The following BMP6 variants were observed in gnomAD, a reference collection of about 807,000 sequenced individuals.
BMP6 encodes the protein VG-1-R.
Under a neutral mutation model 54.1 loss-of-function variants are expected in BMP6, and 17 were observed. The observed-to-expected ratio is 0.31, with a 90% CI of 0.22 to 0.47. The LOEUF (loss-of-function observed/expected upper bound fraction) is 0.47, where lower values mean the gene tolerates loss of function less well. Among genes scored for constraint, BMP6 ranks in the 20% least tolerant of loss-of-function variants. The pLI, the probability that BMP6 is intolerant of heterozygous loss-of-function variation, is 1.00. For synonymous variants in BMP6, 328 were observed against 291.2 expected (o/e 1.13, Z -1.28); for missense variants, 720 against 690.4 (o/e 1.04, Z -0.48).
chr6:7,822,896 GTTGTGTGT>G (rs1435489723), intron 1 of BMP6, among the ~76,000 whole-genome samples: 15 of 85,670 alleles, frequency 1.8e-4, no homozygotes, highest in African/African-American at 8.8e-4. Flanking sequence ...ATTGGTGCTG[GTTGTGTGT>G]GTGTGTGTGT....
chr6:7,846,919 A>T (rs986377755), intron 2 of BMP6, among the ~76,000 whole-genome samples: 5 of 152,194 alleles, frequency 3.3e-5, no homozygotes, highest in Non-Finnish European at 7.3e-5. Flanking sequence ...TTTGGCTCAG[A>T]AATATATTGG....
At position 7,870,780 on chromosome 6, in the gene BMP6, A is replaced by G. The variant is rs542415484; in HGVS notation, c.1204+8282A>G. ...GTAGCTGGGACTACAGGCATGTGCCATCATGCCCCTCTAATTTTTTGTATT... is the reference window on the plus strand; with the variant it reads ...GTAGCTGGGACTACAGGCATGTGCCGTCATGCCCCTCTAATTTTTTGTATT... On this transcript the variant is annotated intron_variant, in intron 4 of 6. Transcript: ENST00000283147. 1.2e-4 allele frequency among the ~76,000 whole-genome samples: 19 copies of G among 152,346 alleles called. No homozygotes were observed. The South Asian group carries it at 3.9e-3, about 32-fold the overall frequency.
intron 1 of BMP6, among the ~76,000 whole-genome samples, chr6:7,750,648 C>T (rs907205568): frequency 6.6e-6 from 1 of 152,138 alleles, no homozygotes; most frequent in African/African-American, 2.4e-5. Flanking sequence ...GGTTCTGGAA[C>T]TTGAAATTTT....
chr6:7,876,172 A>G (rs1759612670), intron 4 of BMP6, among the ~76,000 whole-genome samples: 1 of 152,160 alleles, frequency 6.6e-6, no homozygotes, highest in Non-Finnish European at 1.5e-5. Flanking sequence ...ATGGCATTCT[A>G]GGTTTGATGG....
chr6:7,731,386 C>G (rs982450546), intron 1 of BMP6, among the ~76,000 whole-genome samples: 10 of 152,234 alleles, frequency 6.6e-5, no homozygotes, highest in African/African-American at 2.2e-4. Flanking sequence ...GGTCATGCCT[C>G]CATCCCACCC....
At chr6:7,867,121 C>T (rs948267343) in intron 4 of BMP6, among the ~76,000 whole-genome samples, 2 of 152,152 alleles carry the variant, frequency 1.3e-5, no homozygotes, top group African/African-American at 4.8e-5. Context: ...ATCCACTTGC[C>T]TCGGCCTCCC....
intron 1 of BMP6, among the ~76,000 whole-genome samples, chr6:7,825,214 A>G (rs949755452): frequency 5.4e-5 from 7 of 129,670 alleles, no homozygotes; most frequent in African/African-American, 2.1e-4. Context: ...CAGGAGTTCA[A>G]GCTTACGTGA....
chr6:7,804,773 TAC>T (rs1366706268), intron 1 of BMP6, among the ~76,000 whole-genome samples: 1 of 152,242 alleles, frequency 6.6e-6, no homozygotes, highest in Admixed American at 6.5e-5. Flanking sequence ...AGATTATTTC[TAC>T]AGTGTCATGT....
At chr6:7,865,673 T>C (rs140289941) in intron 4 of BMP6, among the ~76,000 whole-genome samples, 172 of 152,254 alleles carry the variant, frequency 1.1e-3, no homozygotes, top group South Asian at 2.9e-3. Flanking sequence ...ATGAACCAGG[T>C]AGACATTACA....
intron 1 of BMP6, among the ~76,000 whole-genome samples, chr6:7,789,294 G>A (rs997294664): frequency 2.6e-5 from 4 of 152,150 alleles, no homozygotes; most frequent in African/African-American, 9.7e-5. Context: ...AGTTCATATG[G>A]AAACTGAGGT....
intron 1 of BMP6, among the ~76,000 whole-genome samples, chr6:7,803,572 A>C (rs1268577878): frequency 3.3e-5 from 5 of 152,100 alleles, no homozygotes; most frequent in Admixed American, 3.3e-4. Flanking sequence ...TGTCCATGCC[A>C]CTGTCTCCAC....
At chr6:7,815,142 G>A (rs192031522) in intron 1 of BMP6, among the ~76,000 whole-genome samples, 1 of 152,130 alleles carries the variant, frequency 6.6e-6, no homozygotes, top group African/African-American at 2.4e-5. Context: ...GAATTCCTGG[G>A]ACTTAAAGGG....
At chr6:7,744,088 A>G (rs1264500002) in intron 1 of BMP6, among the ~76,000 whole-genome samples, 2 of 152,218 alleles carry the variant, frequency 1.3e-5, no homozygotes, top group Non-Finnish European at 2.9e-5. Flanking sequence ...AGATTCTATG[A>G]TTAACATTTA....
At chr6:7,741,055 T>C (rs1359438450) in intron 1 of BMP6, among the ~76,000 whole-genome samples, 1 of 152,160 alleles carries the variant, frequency 6.6e-6, no homozygotes, top group African/African-American at 2.4e-5. Context: ...TCTTTCCATA[T>C]GCTGTTATCC....
intron 1 of BMP6, among the ~76,000 whole-genome samples, chr6:7,729,401 G>A (rs1026493143): frequency 3.4e-5 from 5 of 147,556 alleles, no homozygotes; most frequent in Admixed American, 6.9e-5. Flanking sequence ...GTCCTAACCT[G>A]GACAAAGGGG....
chr6:7,752,420 G>A (rs916136767), intron 1 of BMP6, among the ~76,000 whole-genome samples: 5 of 152,190 alleles, frequency 3.3e-5, no homozygotes, highest in Admixed American at 3.3e-4. Context: ...TAGGCTTGAT[G>A]AGTGAACTAA....
Position 7,856,595 on chromosome 6 carries a change from A to AT in BMP6, c.858-4837dup, listed in dbSNP as rs70982115. Among the ~76,000 whole-genome samples, 201 of 83,046 alleles carry AT rather than the reference A, an allele frequency of 2.4e-3. 21 individuals carry two copies. Among genetic ancestry groups the AT allele is most frequent in the South Asian group, 6.3e-3 (14 of 2,216 alleles). 54.5% of individuals were successfully genotyped at this position (83,046 alleles called of 152,430 possible). A position where few individuals can be genotyped will look rare whatever the true frequency, so the allele number is the denominator to read the frequency against. ...ATATAAATGCCAGTTTATCAAGAGCATTTTTTTTTTTTTTTTTTTGAGACG... is the reference window on the plus strand; with the variant it reads ...ATATAAATGCCAGTTTATCAAGAGCATTTTTTTTTTTTTTTTTTTTGAGACG... On this transcript the variant is annotated intron_variant, in intron 2 of 6. Transcript: ENST00000283147.
At chr6:7,871,183 A>G (rs2113288558) in intron 4 of BMP6, among the ~76,000 whole-genome samples, 1 of 152,352 alleles carries the variant, frequency 6.6e-6, no homozygotes, top group South Asian at 2.1e-4. Flanking sequence ...CTGGTGCTAG[A>G]AAAGAAAAAT....
intron 1 of BMP6, among the ~76,000 whole-genome samples, chr6:7,735,186 C>T (rs778461436): frequency 1.3e-5 from 2 of 152,248 alleles, no homozygotes; most frequent in African/African-American, 4.8e-5. Context: ...TATCACTCTC[C>T]TGCCGCTTGC....
Sources: allele counts gnomAD v4.1 joint callset (sites outside exome capture counted in the v4.1 genomes callset), GRCh38; gene constraint gnomAD v4.1.1; transcripts MANE v1.5; gene names NCBI Gene and HGNC (gene_info 2026-07-23, HGNC 2026-07-21).